The following NRXN1 variants were observed in gnomAD, a reference collection of about 807,000 sequenced individuals.
The protein encoded by NRXN1 is neurexin 1.
In NRXN1, 39 loss-of-function variants were observed where a neutral mutation model predicts 150.9. The ratio of observed to expected loss-of-function variants is 0.26; its 90% confidence interval spans 0.20 to 0.34. The LOEUF (loss-of-function observed/expected upper bound fraction) is 0.34. NRXN1 is among the 10% of genes least tolerant of loss of function. The pLI is 1.00. For missense variants in NRXN1, 1,815 were observed against 1,949.9 expected, an observed-to-expected ratio of 0.93 and a Z score of 1.30; for synonymous variants, 924 against 757.0, an observed-to-expected ratio of 1.22 and a Z score of -3.62.
At chr2:50,211,046 C>A (rs2152843816) in intron 18 of NRXN1, among the ~76,000 whole-genome samples, 1 of 151,614 alleles carries the variant, frequency 6.6e-6, no homozygotes, top group South Asian at 2.1e-4. Flanking sequence ...AATCTCTATC[C>A]ATTTTTCTGG....
At chr2:50,757,474 T>C (rs529605665) in intron 5 of NRXN1, among the ~76,000 whole-genome samples, 3 of 151,936 alleles carry the variant, frequency 2.0e-5, no homozygotes, top group East Asian at 3.9e-4. Flanking sequence ...TAATTACACA[T>C]TCTAATACTC....
intron 10 of NRXN1, among the ~76,000 whole-genome samples, chr2:50,535,321 T>C (rs937668636): frequency 5.9e-5 from 9 of 152,270 alleles, no homozygotes; most frequent in Non-Finnish European, 1.2e-4. Context: ...CTTTGTCTTC[T>C]ATATCTCCTT....
intron 19 of NRXN1, among the ~76,000 whole-genome samples, chr2:50,069,862 T>TG (rs1695955514): frequency 6.7e-6 from 1 of 150,138 alleles, no homozygotes; most frequent in Admixed American, 6.6e-5. Flanking sequence ...TTTTTTTTTT[T>TG]TTTTTTGAGA....
intron 17 of NRXN1, among the ~76,000 whole-genome samples, chr2:50,264,247 G>A (rs1410124733): frequency 6.6e-6 from 1 of 151,624 alleles, no homozygotes; most frequent in African/African-American, 2.4e-5. Context: ...TAAAAAAAAA[G>A]AAACAAAGAA....
At chr2:50,266,684 C>G (rs184435497) in intron 17 of NRXN1, among the ~76,000 whole-genome samples, 1 of 151,832 alleles carries the variant, frequency 6.6e-6, no homozygotes, top group African/African-American at 2.4e-5. Context: ...CTGGCCAAGG[C>G]AAACTCTGAC....
chr2:50,041,923 C>T (rs1252796460), intron 21 of NRXN1, among the ~76,000 whole-genome samples: 1 of 152,098 alleles, frequency 6.6e-6, no homozygotes, highest in Non-Finnish European at 1.5e-5. Context: ...CAAAATTATG[C>T]CACTTTGGGC....
intron 5 of NRXN1, among the ~76,000 whole-genome samples, chr2:50,746,476 T>G (rs1453634568): frequency 3.3e-5 from 5 of 151,984 alleles, no homozygotes; most frequent in African/African-American, 1.2e-4. Context: ...AAGGATGGCT[T>G]AAGCCCAGGA....
chr2:50,024,951 T>C (rs1045455961), intron 21 of NRXN1, among the ~76,000 whole-genome samples: 1 of 152,088 alleles, frequency 6.6e-6, no homozygotes, highest in Non-Finnish European at 1.5e-5. Flanking sequence ...ACCTATAAAG[T>C]GAAGGTTCTG....
intron 19 of NRXN1, among the ~76,000 whole-genome samples, chr2:50,090,589 G>C (rs1407990449): frequency 6.6e-6 from 1 of 152,028 alleles, no homozygotes; most frequent in Non-Finnish European, 1.5e-5. Context: ...ACAACCACAA[G>C]TAACATTGTT....
intron 2 of NRXN1, among the ~76,000 whole-genome samples, chr2:50,977,466 A>G (rs922055584): frequency 6.6e-6 from 1 of 151,980 alleles, no homozygotes; most frequent in Non-Finnish European, 1.5e-5. Context: ...ACAACTACAT[A>G]TACCAAGACC....
intron 21 of NRXN1, among the ~76,000 whole-genome samples, chr2:49,998,550 T>C (rs916041290): frequency 5.9e-5 from 9 of 152,182 alleles, no homozygotes; most frequent in Non-Finnish European, 1.0e-4. Context: ...AATTGGAGCA[T>C]ACTTCTTTAT....
intron 5 of NRXN1, among the ~76,000 whole-genome samples, chr2:50,867,269 C>A (rs190365830): frequency 2.8e-4 from 43 of 151,990 alleles, no homozygotes; most frequent in Admixed American, 2.8e-3. Flanking sequence ...ATGCTCATGG[C>A]CCCTGATTAA....
chr2:50,990,388 T>G (rs1024516464), intron 2 of NRXN1, among the ~76,000 whole-genome samples: 1 of 152,082 alleles, frequency 6.6e-6, no homozygotes, highest in Admixed American at 6.6e-5. Context: ...ATTATGGTCA[T>G]ATGTTTTTCA....
At chr2:50,817,397 G>A (rs560929647) in intron 5 of NRXN1, among the ~76,000 whole-genome samples, 31 of 151,790 alleles carry the variant, frequency 2.0e-4, no homozygotes, top group Middle Eastern at 3.4e-3. Flanking sequence ...CAGATGAGAT[G>A]GTTGCACTGG....
At chr2:50,759,612 TAA>T (rs1434986568) in intron 5 of NRXN1, among the ~76,000 whole-genome samples, 4 of 151,816 alleles carry the variant, frequency 2.6e-5, no homozygotes, top group African/African-American at 9.7e-5. Context: ...GCGCAAGACA[TAA>T]GTTATTAAAG....
chr2:50,877,547 A>T (rs1264932830), intron 5 of NRXN1, among the ~76,000 whole-genome samples: 1 of 151,908 alleles, frequency 6.6e-6, no homozygotes, highest in Non-Finnish European at 1.5e-5. Context: ...TGCTTTAGTC[A>T]TTTACAATTG....
At position 50,346,687 on chromosome 2, in the gene NRXN1, C is replaced by A. The variant is rs2078003195; in HGVS notation, c.3365-109717G>T. 1.2e-6 allele frequency: 2 copies of A among 1,612,822 alleles called. No homozygotes were observed. On this transcript the variant is annotated intron_variant, in intron 17 of 22. Coordinates refer to ENST00000401669, the MANE Select transcript of NRXN1 (RefSeq NM_001330078.2). This position sits in a 1 kb window ranked among gnomAD's most constrained non-coding sequence, Gnocchi z 5.0. ...CCCGCGAGAACTTGGCATCGCAGAC[C>A]CACCGTGTCCGCCTCGCAAGGATGC...
At chr2:49,945,552 A>ACAC (rs1672744029) in intron 21 of NRXN1, among the ~76,000 whole-genome samples, 1 of 151,954 alleles carries the variant, frequency 6.6e-6, no homozygotes, top group African/African-American at 2.4e-5. Context: ...CCCACCCTCC[A>ACAC]ACAGGCCCAA....
At chr2:50,577,503 C>T (rs530536121) in intron 8 of NRXN1, among the ~76,000 whole-genome samples, 1 of 152,170 alleles carries the variant, frequency 6.6e-6, no homozygotes, top group East Asian at 1.9e-4. Context: ...ATATGGAATT[C>T]CAGTTTTTCT....
Sources: gnomAD v4.1 joint callset for allele counts (sites outside exome capture counted in the v4.1 genomes callset) on GRCh38, gnomAD v4.1.1 for gene constraint, Gnocchi (gnomAD v3.1) non-coding constraint, MANE v1.5 for transcripts, NCBI Gene and HGNC (gene_info 2026-07-23, HGNC 2026-07-21) for gene names.